The following ENPP5 variants were observed in gnomAD, a reference collection of about 807,000 sequenced individuals.
ENPP5 encodes ectonucleotide pyrophosphatase/phosphodiesterase family member 5.
Under a neutral mutation model 33.7 loss-of-function variants are expected in ENPP5, and 27 were observed. That is an observed-to-expected ratio of 0.80 (90% CI 0.59 to 1.11). The LOEUF is 1.11. Among genes scored for constraint, ENPP5 ranks in the 50% least tolerant of loss-of-function variants. The pLI is 0.00. For missense variants in ENPP5, 552 were observed against 579.2 expected (o/e 0.95, Z 0.48); for synonymous variants, 199 against 200.5 (o/e 0.99, Z 0.06).
intron 4 of ENPP5, 107 bp downstream of exon 4, chr6:46,165,280 A>G: frequency 1.2e-6 from 1 of 865,648 alleles, no homozygotes; most frequent in Non-Finnish European, 1.7e-6. Flanking sequence ...TATTCAAGTA[A>G]CAGACAGTAA....
Position 46,167,965 on chromosome 6 carries a change from G to A in ENPP5, c.298C>T (p.Arg100Trp), listed in dbSNP as rs201147736. The change falls in exon 3 of 5, where the codon CGG (arginine) becomes TGG (tryptophan). Residue 100 changes from arginine to tryptophan, a missense_variant. Transcript: ENST00000371383. ...TGATCCAAGGAGAAAGATTTGTTCCGAATAGGATCAAACATATCATTTGCA... is the reference window on the plus strand; with the variant it reads ...TGATCCAAGGAGAAAGATTTGTTCCAAATAGGATCAAACATATCATTTGCA... ...IVANDMFDPI[R>W]NKSFSLDHMN... The A allele has an allele frequency of 4.2e-5, 67 of 1,614,078 alleles. No homozygotes were observed. The East Asian group carries it at 4.2e-4, about 10-fold the overall frequency.
At chr6:46,165,643 G>A (rs1262760823) in intron 3 of ENPP5, 80 bp from the exon 4 acceptor site, 6 of 1,133,272 alleles carry the variant, frequency 5.3e-6, no homozygotes, top group East Asian at 2.7e-5. Flanking sequence ...TTGCTACGGA[G>A]GTGAAAAACC....
At chr6:46,164,155 A>G (rs1437929247) in intron 4 of ENPP5, among the ~76,000 whole-genome samples, 1 of 152,216 alleles carries the variant, frequency 6.6e-6, no homozygotes, top group African/African-American at 2.4e-5. Flanking sequence ...CAGAGTGAAC[A>G]GGCAACCTAT....
intron 3 of ENPP5, 94 bp from the exon 4 acceptor site, chr6:46,165,657 G>C: frequency 2.0e-6 from 2 of 992,018 alleles, no homozygotes; most frequent in Admixed American, 5.8e-5. Context: ...AAAAACCAGA[G>C]AGCTGAACAT....
intron 4 of ENPP5, among the ~76,000 whole-genome samples, chr6:46,164,221 A>C (rs1764470148): frequency 1.3e-5 from 2 of 152,216 alleles, no homozygotes; most frequent in South Asian, 4.1e-4. Flanking sequence ...AATATCCAGA[A>C]TCTACAATGA....
At position 46,165,548 on chromosome 6, in the gene ENPP5, A is replaced by G. The variant is rs1764520855; in HGVS notation, c.845T>C (p.Val282Ala). 1 of 1,571,640 alleles carries G rather than the reference A, an allele frequency of 6.4e-7. No homozygotes were observed. Among genetic ancestry groups the G allele is most frequent in the South Asian group, 1.2e-5 (1 of 82,572 alleles). ...ATGAGCGTGAGTTAGTGCTTCATAG[A>G]CTTCATCAAATTTACCTAAAGAGAA... ...ILPKEGKFDE[V>A]YEALTHAHPN... The change falls in exon 4 of 5, where the codon GTC becomes GCC. Residue 282 changes from valine (V) to alanine (A), a missense_variant. By Grantham distance (64) the Val-to-Ala change is moderately conservative (BLOSUM62 0). Transcript: ENST00000371383.
chr6:46,163,169 C>G (rs7748442), intron 4 of ENPP5, among the ~76,000 whole-genome samples: 66,807 of 151,708 alleles, frequency 0.44, 16,097 homozygotes, highest in South Asian at 0.68. Context: ...CAGGGCCTCA[C>G]AGTTTCAAAT....
intron 3 of ENPP5, among the ~76,000 whole-genome samples, chr6:46,166,244 C>A (rs1182773606): frequency 6.6e-6 from 1 of 150,492 alleles, no homozygotes; most frequent in Non-Finnish European, 1.5e-5. Flanking sequence ...CTCTCTTTCA[C>A]CCCCTTCTCT....
At chr6:46,167,396 A>T in intron 3 of ENPP5, 38 bp downstream of exon 3, 1 of 1,359,826 alleles carries the variant, frequency 7.4e-7, no homozygotes. Flanking sequence ...GCAAATGCAC[A>T]TCTAGTCTCA....
Position 46,161,351 on chromosome 6 carries a change from A to T in ENPP5, c.1409T>A (p.Ile470Lys). Residue 470 changes from isoleucine to lysine, a missense_variant, in exon 5 of 5, where the codon ATA becomes AAA. By Grantham distance (102) the Ile-to-Lys change is moderately radical. Transcript: ENST00000371383. The stretch of plus-strand genomic sequence containing the variant: ...TTAGGCTTGTAATAATGGTTGAGCT[A>T]TTTCAGCATGCATATCTTGTAAGGC... The part of the protein sequence containing the change: ...IPALQDMHAE[I>K]AQPLLQA 6.2e-7 allele frequency: 1 copy of T among 1,613,128 alleles called. No individual in the cohort carries two copies. Among genetic ancestry groups the T allele is most frequent in the South Asian group, 1.1e-5 (1 of 90,992 alleles).
chr6:46,167,174 T>C (rs575731498), intron 3 of ENPP5, among the ~76,000 whole-genome samples: 77 of 152,296 alleles, frequency 5.1e-4, no homozygotes, highest in African/African-American at 1.8e-3. Context: ...TAATATTCTA[T>C]GGATCCAAAA....
At chr6:46,162,625 T>C (rs1424661394) in intron 4 of ENPP5, among the ~76,000 whole-genome samples, 1 of 152,076 alleles carries the variant, frequency 6.6e-6, no homozygotes, top group Non-Finnish European at 1.5e-5. Flanking sequence ...AACTATGCAA[T>C]AGGAACGCTC....
intron 2 of ENPP5, among the ~76,000 whole-genome samples, chr6:46,169,446 G>A (rs892204696): frequency 2.1e-4 from 31 of 148,684 alleles, no homozygotes; most frequent in African/African-American, 7.5e-4. Flanking sequence ...AAGCTGGTGT[G>A]CGGTGGCACG....
rs1480265176 is a variant in ENPP5, at chr6:46,162,472, G to A, written c.1007-719C>T. Among the ~76,000 whole-genome samples, 3 of 152,164 alleles carry A rather than the reference G, an allele frequency of 2.0e-5. No individual in the cohort carries two copies. The East Asian group carries it at 5.8e-4, about 29-fold the overall frequency. On this transcript the variant is annotated intron_variant, in intron 4 of 4. Transcript: ENST00000371383. Reference sequence around the variant, plus strand: ...TAATAGCTGGATTTCAAAGTCATGTGTGCTTAGCATGGTATCAAGGTACAA... The same window carrying A: ...TAATAGCTGGATTTCAAAGTCATGTATGCTTAGCATGGTATCAAGGTACAA...
chr6:46,161,820 GTCAAA>G, intron 4 of ENPP5, 67 bp from the exon 5 acceptor site: 1 of 1,164,778 alleles, frequency 8.6e-7, no homozygotes, highest in Admixed American at 1.9e-5. Context: ...TTGTTGTATG[GTCAAA>G]TTCTGAACTT....
intron 4 of ENPP5, 35 bp downstream of exon 4, chr6:46,165,352 A>C (rs1202261221): frequency 6.8e-7 from 1 of 1,475,608 alleles, no homozygotes. Flanking sequence ...GCAAAAAGTA[A>C]TGCAGAATGG....
intron 3 of ENPP5, among the ~76,000 whole-genome samples, chr6:46,166,693 G>A (rs1352048503): frequency 1.3e-5 from 2 of 151,978 alleles, no homozygotes; most frequent in African/African-American, 2.4e-5. Context: ...CCCTCTGAGG[G>A]ATGGAATTCT....
At position 46,165,378 on chromosome 6, in the gene ENPP5, C is replaced by T. The variant is rs879748212; in HGVS notation, c.1006+9G>A. 2 of 1,548,292 alleles carry T rather than the reference C, an allele frequency of 1.3e-6. No individual in the cohort carries two copies. Among genetic ancestry groups the T allele is most frequent in the South Asian group, 2.6e-5 (2 of 77,892 alleles). On this transcript the variant is annotated intron_variant, in intron 4 of 4. Coordinates refer to ENST00000371383, the MANE Select transcript of ENPP5 (RefSeq NM_001290072.2). ...TGCAGAATGGAAAGAAATACTGTAACATACTCACACAGAAAGTCATCTGAC... is the reference window on the plus strand; with the variant it reads ...TGCAGAATGGAAAGAAATACTGTAATATACTCACACAGAAAGTCATCTGAC...
At position 46,161,695 on chromosome 6, in the gene ENPP5, A is replaced by G. The variant is rs1425484542; in HGVS notation, c.1065T>C (p.His355=). The change falls in exon 5 of 5, where the codon CAT becomes CAC. Residue 355 remains histidine (H), a synonymous_variant. Coordinates refer to ENST00000371383, the MANE Select transcript of ENPP5 (RefSeq NM_001290072.2). ...AGAAATTCTTTCTGAAGGCAGGACC[A>G]TGGGCTAAAAATATTGGATGCATAT... ...LADMHPIFLA[H]GPAFRKNFSK... 1 of 1,613,736 alleles carries G rather than the reference A, an allele frequency of 6.2e-7. No homozygotes were observed. Among genetic ancestry groups the G allele is most frequent in the Admixed American group, 1.7e-5 (1 of 60,034 alleles).
Sources: allele counts gnomAD v4.1 joint callset (sites outside exome capture counted in the v4.1 genomes callset), GRCh38; gene constraint gnomAD v4.1.1; transcripts MANE v1.5; gene names NCBI Gene and HGNC (gene_info 2026-07-23, HGNC 2026-07-21).